MYH16: variants seen among roughly 807,000 people sequenced by gnomAD.
MYH16 encodes myosin heavy chain 16, also known as putative uncharacterized protein MYH16.
chr7:99,244,308 TCA>T (rs769911314), intron 2 of MYH16, among the ~76,000 whole-genome samples: 3 of 152,214 alleles, frequency 2.0e-5, no homozygotes, highest in Non-Finnish European at 4.4e-5. Flanking sequence ...TTGAAGAAAT[TCA>T]GTTTCACTTT....
At chr7:99,247,757 C>T (rs572395994) in intron 3 of MYH16, 14 of 162,626 alleles carry the variant, frequency 8.6e-5, no homozygotes, top group Non-Finnish European at 1.6e-4. Context: ...ATGGGTGCGT[C>T]GGGGTGGGCT....
chr7:99,295,766 G>C (rs1414161995), intron 33 of MYH16, among the ~76,000 whole-genome samples: 1 of 150,190 alleles, frequency 6.7e-6, no homozygotes, highest in Non-Finnish European at 1.5e-5. Flanking sequence ...CCAAGAGGCT[G>C]AGGCTACAGT....
At chr7:99,285,578 C>T (rs947819064) in intron 27 of MYH16, 140 bp downstream of exon 9, 4 of 395,254 alleles carry the variant, frequency 1.0e-5, no homozygotes, top group African/African-American at 8.4e-5. Context: ...TTCTGGAGCA[C>T]CTACTGTGTG....
At chr7:99,303,780 C>T (rs769828645) in intron 39 of MYH16, among the ~76,000 whole-genome samples, 18 of 152,166 alleles carry the variant, frequency 1.2e-4, no homozygotes, top group Non-Finnish European at 2.2e-4. Flanking sequence ...GCAGCCTGGG[C>T]GACAGAACAA....
intron 2 of MYH16, among the ~76,000 whole-genome samples, chr7:99,243,845 C>G (rs1341289345): frequency 6.6e-6 from 1 of 151,774 alleles, no homozygotes; most frequent in Admixed American, 6.6e-5. Flanking sequence ...GTTCATCCAT[C>G]CATCCATCCA....
At position 99,249,572 on chromosome 7, in the gene MYH16, GTTTTTTTTTTTT is replaced by G. The variant is rs1195632373; in HGVS notation, n.540-393_540-382del. Among the ~76,000 whole-genome samples, 6 of 116,768 alleles carry G rather than the reference GTTTTTTTTTTTT, an allele frequency of 5.1e-5. 1 individual carries two copies. Among genetic ancestry groups the G allele is most frequent in the African/African-American group, 2.3e-4 (6 of 26,640 alleles). The allele number at this position is 116,768 out of a possible 152,430, so 76.6% of individuals were successfully genotyped here. A position where few individuals can be genotyped will look rare whatever the true frequency, so the allele number is the denominator to read the frequency against. ...AAAAAAAAAAGAAAAGAAAAGTGCT[GTTTTTTTTTTTT>G]TTTTTTTTTTTTTGAGATGGAGTCT... On this transcript the variant is annotated intron_variant and non_coding_transcript_variant, in intron 4 of 41. Coordinates refer to ENST00000439784, the Ensembl canonical transcript of MYH16.
exon 19 of MYH16, chr7:99,270,979 T>G (rs1792039429): frequency 6.5e-6 from 1 of 152,700 alleles, no homozygotes; most frequent in Non-Finnish European, 1.5e-5. Flanking sequence ...GCGGGCATCC[T>G]GGCCAGGCTT....
intron 30 of MYH16, chr7:99,291,106 G>T (rs902550555): frequency 1.3e-4 from 38 of 284,164 alleles, no homozygotes; most frequent in Non-Finnish European, 2.5e-4. Context: ...GTCCATGCAG[G>T]TTACCTGGAT....
chr7:99,277,055 G>C (rs112930333), intron 20 of MYH16, among the ~76,000 whole-genome samples: 4 of 119,052 alleles, frequency 3.4e-5, no homozygotes, highest in East Asian at 2.3e-4. Context: ...GAGAGAGAGA[G>C]ACACAGAGAG....
At chr7:99,274,563 G>A (rs1792085096) in intron 20 of MYH16, among the ~76,000 whole-genome samples, 1 of 152,234 alleles carries the variant, frequency 6.6e-6, no homozygotes, top group Non-Finnish European at 1.5e-5. Flanking sequence ...GGAGGACCTG[G>A]GATTGGAGAG....
At chr7:99,253,393 C>A (rs1272664004) in intron 7 of MYH16, 1 of 151,988 alleles carries the variant, frequency 6.6e-6, no homozygotes, top group Non-Finnish European at 1.5e-5. Context: ...ATAATCACAC[C>A]ACTGCACTCC....
At chr7:99,282,740 G>GCTGGGA (rs2150821946) in intron 23 of MYH16, among the ~76,000 whole-genome samples, 1 of 152,156 alleles carries the variant, frequency 6.6e-6, no homozygotes, top group African/African-American at 2.4e-5. Flanking sequence ...TGAGGCGAGA[G>GCTGGGA]GGTTGCTTGA....
rs1365512724 is a variant in MYH16, at chr7:99,292,328, T to C, written n.3969T>C. 2.6e-5 allele frequency: 12 copies of C among 456,476 alleles called. No homozygotes were observed. The Admixed American group carries it at 2.8e-4, about 11-fold the overall frequency. 28.3% of individuals were successfully genotyped at this position (456,476 alleles called of 1,614,324 possible). A position where few individuals can be genotyped will look rare whatever the true frequency, so the allele number is the denominator to read the frequency against. On this transcript the variant is annotated non_coding_transcript_exon_variant, in exon 32 of 42. Transcript: ENST00000439784. ...TCCCCACAGTCTCGCAGCACCGCCG[T>C]GGTGAGTCTGGCCAACACCAAGCAC...
At chr7:99,305,693 C>T (rs1245326692) in intron 40 of MYH16, 143 bp from the exon 22 acceptor site, 1 of 153,018 alleles carries the variant, frequency 6.5e-6, no homozygotes, top group African/African-American at 2.4e-5. Context: ...AGGAGGATCA[C>T]TTGAGCGCAG....
intron 27 of MYH16, among the ~76,000 whole-genome samples, chr7:99,285,751 CT>C (rs1293322347): frequency 2.6e-5 from 4 of 152,210 alleles, no homozygotes; most frequent in African/African-American, 9.6e-5. Flanking sequence ...GGAGAAAGGT[CT>C]GGGCAAAGGG....
chr7:99,298,536 G>C (rs1298157614), intron 36 of MYH16, among the ~76,000 whole-genome samples: 1 of 152,116 alleles, frequency 6.6e-6, no homozygotes, highest in Non-Finnish European at 1.5e-5. Flanking sequence ...CCCGGCCTAT[G>C]AACACTTTAG....
intron 31 of MYH16, among the ~76,000 whole-genome samples, chr7:99,291,879 G>T (rs112540314): frequency 0.089 from 13,522 of 152,064 alleles, 1,660 homozygotes; most frequent in African/African-American, 0.28. Flanking sequence ...GGAGGCAGAG[G>T]TTGCAGGGAG....
intron 29 of MYH16, among the ~76,000 whole-genome samples, chr7:99,288,901 G>T (rs1285902648): frequency 6.6e-6 from 1 of 151,376 alleles, no homozygotes; most frequent in African/African-American, 2.4e-5. Flanking sequence ...GATCACTTGA[G>T]CCCAGTTCAA....
intron 13 of MYH16, chr7:99,261,820 C>T (rs1791940555): frequency 6.6e-6 from 1 of 152,374 alleles, no homozygotes; most frequent in Admixed American, 6.5e-5. Context: ...ATCACTTCTC[C>T]AAGGGAAATA....
Sources: gnomAD v4.1 joint callset for allele counts (sites outside exome capture counted in the v4.1 genomes callset) on GRCh38, gnomAD v4.1.1 for gene constraint, MANE v1.5 for transcripts, NCBI Gene and HGNC (gene_info 2026-07-23, HGNC 2026-07-21) for gene names.